The following SPTLC3 variants were observed in gnomAD, a reference collection of about 807,000 sequenced individuals.
SPTLC3 encodes the protein serine palmitoyltransferase 3.
Under a neutral mutation model 59.3 loss-of-function variants are expected in SPTLC3, and 36 were observed. That is an observed-to-expected ratio of 0.61 (90% CI 0.47 to 0.80). The LOEUF (loss-of-function observed/expected upper bound fraction) is 0.80. SPTLC3 is among the 30% of genes least tolerant of loss of function. The pLI, the probability that SPTLC3 is intolerant of heterozygous loss-of-function variation, is 0.00. For synonymous variants in SPTLC3, 257 were observed against 240.8 expected, an observed-to-expected ratio of 1.07 and a Z score of -0.62; for missense variants, 625 against 685.1, an observed-to-expected ratio of 0.91 and a Z score of 0.98.
rs192546963 is a variant in SPTLC3, at chr20:13,147,922, C to T, written c.1280-6081C>T. ...CATATTCATGTTTTCTGTTAGAAAA[C>T]GAGATTGCAAAGTCTGCAGAAAATA... On this transcript the variant is annotated intron_variant, in intron 9 of 11. Transcript: ENST00000399002. Among the ~76,000 whole-genome samples the T allele has an allele frequency of 7.7e-3, 1,176 of 152,224 alleles. 3 individuals are homozygous for T. The highest frequency in any genetic ancestry group is 0.011 in the Non-Finnish European group (774 of 68,012).
At position 13,074,359 on chromosome 20, in the gene SPTLC3, A is replaced by T; in HGVS notation, c.469A>T (p.Arg157Ter). The change falls in exon 4 of 12, where the codon AGA (arginine) becomes TGA (stop). Residue 157 changes from arginine (R) to a stop codon, truncating the protein, a stop_gained. Transcript: ENST00000399002. LOFTEE classifies it high-confidence loss of function. ...CATGTTTCCCCACAGGTTTACTGGA[A>T]GAGTCATCAAAGATGTCATCAACAT... ...DYNWTFRFTG[R>*]VIKDVINMGS... is the part of the protein sequence containing the mutation. 6.2e-7 allele frequency: 1 copy of T among 1,613,992 alleles called. No individual in the cohort carries two copies. Among genetic ancestry groups the T allele is most frequent in the East Asian group, 2.2e-5 (1 of 44,838 alleles).
At chr20:13,104,746 C>A (rs1371464722) in intron 6 of SPTLC3, among the ~76,000 whole-genome samples, 1 of 152,154 alleles carries the variant, frequency 6.6e-6, no homozygotes, top group Non-Finnish European at 1.5e-5. Flanking sequence ...CACACTGTAC[C>A]ATAGCACCGT....
At chr20:13,082,591 A>C (rs1211051342) in intron 4 of SPTLC3, among the ~76,000 whole-genome samples, 1 of 152,216 alleles carries the variant, frequency 6.6e-6, no homozygotes, top group Admixed American at 6.5e-5. Context: ...TTACAATAGC[A>C]GAGTTGAATA....
At chr20:13,054,405 C>A (rs1348174103) in intron 2 of SPTLC3, among the ~76,000 whole-genome samples, 1 of 151,966 alleles carries the variant, frequency 6.6e-6, no homozygotes, top group Non-Finnish European at 1.5e-5. Context: ...AGAAAGACAA[C>A]AGAGAGATCA....
intron 6 of SPTLC3, among the ~76,000 whole-genome samples, chr20:13,099,889 T>A (rs1197841218): frequency 6.6e-6 from 1 of 152,224 alleles, no homozygotes; most frequent in Non-Finnish European, 1.5e-5. Flanking sequence ...CCAGTCCAGA[T>A]AGAAGCTAAT....
At chr20:13,069,002 G>A (rs1035151837) in intron 2 of SPTLC3, among the ~76,000 whole-genome samples, 23 of 152,096 alleles carry the variant, frequency 1.5e-4, no homozygotes, top group African/African-American at 5.6e-4. Flanking sequence ...GGTTAGACAG[G>A]ATGAAGTATT....
chr20:13,160,109 C>G lies in SPTLC3; in HGVS notation c.1522C>G (p.His508Asp). Reference protein sequence around the residue: ...ARARFCVSAAHTREMLDTVLE... With the variant: ...ARARFCVSAADTREMLDTVLE... ...GGCTCGGTTTTGTGTTTCAGCGGCA[C>G]ATACCCGGGAGATGTTAGACACGGT... Residue 508 changes from histidine to aspartate, a missense_variant, in exon 11 of 12, where the codon CAT becomes GAT. By Grantham distance (81) the His-to-Asp change is moderately conservative. Coordinates refer to ENST00000399002, the MANE Select transcript of SPTLC3 (RefSeq NM_018327.4). 6.2e-7 allele frequency: 1 copy of G among 1,613,962 alleles called. No homozygotes were observed. Among genetic ancestry groups the G allele is most frequent in the African/African-American group, 1.3e-5 (1 of 75,002 alleles).
At chr20:13,026,449 T>C (rs1986149013) in intron 1 of SPTLC3, among the ~76,000 whole-genome samples, 1 of 152,234 alleles carries the variant, frequency 6.6e-6, no homozygotes, top group Non-Finnish European at 1.5e-5. Context: ...TATGTCATTG[T>C]GGTTTTGATT....
chr20:13,030,074 C>T (rs1392882844), intron 1 of SPTLC3, among the ~76,000 whole-genome samples: 2 of 152,114 alleles, frequency 1.3e-5, no homozygotes, highest in Admixed American at 6.6e-5. Context: ...GTTTGTAATC[C>T]AAGTTCAGTC....
chr20:13,055,893 G>C (rs1412835695), intron 2 of SPTLC3, among the ~76,000 whole-genome samples: 1 of 152,080 alleles, frequency 6.6e-6, no homozygotes, highest in African/African-American at 2.4e-5. Flanking sequence ...AATCCCACAA[G>C]GAGTTCCGGA....
rs1568639509 is a variant in SPTLC3 at position 13,169,099 on chromosome 20, A to G, written c.*4232A>G. The G allele has an allele frequency of 6.6e-6, 1 of 152,142 alleles. No individual in the cohort carries two copies. Among genetic ancestry groups the G allele is most frequent in the Non-Finnish European group, 1.5e-5 (1 of 68,028 alleles). The allele number at this position is 152,142 out of a possible 1,614,324, so 9.4% of individuals were successfully genotyped here. The stretch of plus-strand genomic sequence containing the variant: ...TTAAAATAAATAAAAATAATATGAA[A>G]ATAATTGATGGTTTTCTGTTGATTT... On this transcript the variant is annotated 3_prime_UTR_variant, in exon 12 of 12. Transcript: ENST00000399002.
intron 2 of SPTLC3, among the ~76,000 whole-genome samples, chr20:13,066,633 A>T (rs845732): frequency 0.41 from 62,138 of 151,968 alleles, 12,799 homozygotes; most frequent in Middle Eastern, 0.56. Context: ...GCAATCTGAT[A>T]ATTTTCTTCT....
intron 2 of SPTLC3, among the ~76,000 whole-genome samples, chr20:13,058,374 G>C (rs891660): frequency 6.6e-6 from 1 of 151,048 alleles, no homozygotes; most frequent in Admixed American, 6.6e-5. Context: ...GCATAGATCC[G>C]AACCCAAAGT....
At chr20:13,038,805 G>A (rs943815584) in intron 1 of SPTLC3, among the ~76,000 whole-genome samples, 1 of 151,978 alleles carries the variant, frequency 6.6e-6, no homozygotes, top group African/African-American at 2.4e-5. Context: ...GTTAAGCACT[G>A]CTTTAGCTAT....
chr20:13,030,902 T>A (rs1217473360), intron 1 of SPTLC3, among the ~76,000 whole-genome samples: 6 of 152,206 alleles, frequency 3.9e-5, no homozygotes, highest in African/African-American at 1.4e-4. Context: ...GATCCCATCC[T>A]ATAACCACTC....
intron 6 of SPTLC3, among the ~76,000 whole-genome samples, chr20:13,095,834 C>G (rs1989392553): frequency 6.6e-6 from 1 of 152,188 alleles, no homozygotes; most frequent in Non-Finnish European, 1.5e-5. Flanking sequence ...CTTTTACACT[C>G]TTGATCGAAA....
intron 4 of SPTLC3, among the ~76,000 whole-genome samples, chr20:13,078,092 T>A (rs1402604946): frequency 6.7e-6 from 1 of 148,526 alleles, no homozygotes; most frequent in African/African-American, 2.4e-5. Flanking sequence ...TTACTTTATA[T>A]ATTTTATATA....
chr20:13,070,486 G>A lies in SPTLC3; in HGVS notation c.304-1770G>A, dbSNP rs113226641. Reference sequence around the variant, plus strand: ...ATGAGTGGGCAAAGCGGTAGCATACGGTCATCCACAAAGGCACTCCCCATG... The same window carrying A: ...ATGAGTGGGCAAAGCGGTAGCATACAGTCATCCACAAAGGCACTCCCCATG... On this transcript the variant is annotated intron_variant, in intron 2 of 11. Coordinates refer to ENST00000399002, the MANE Select transcript of SPTLC3 (RefSeq NM_018327.4). Among the ~76,000 whole-genome samples, 1,418 of 152,112 alleles carry A rather than the reference G, an allele frequency of 9.3e-3. 9 individuals carry two copies. The highest frequency in any genetic ancestry group is 0.014 in the Non-Finnish European group (941 of 68,002).
chr20:13,021,464 C>T (rs557891195), intron 1 of SPTLC3, among the ~76,000 whole-genome samples: 1 of 152,148 alleles, frequency 6.6e-6, no homozygotes, highest in South Asian at 2.1e-4. Context: ...GGGAAACAAC[C>T]TTCCTCTCAG....
Sources: gnomAD v4.1 joint callset for allele counts (sites outside exome capture counted in the v4.1 genomes callset) on GRCh38, gnomAD v4.1.1 for gene constraint, MANE v1.5 for transcripts, NCBI Gene and HGNC (gene_info 2026-07-23, HGNC 2026-07-21) for gene names.